GPR82: variants seen among roughly 807,000 people sequenced by gnomAD.
GPR82 encodes the protein probable G protein-coupled receptor 82.
GPR82 carries 6 observed loss-of-function variants against 12.9 expected under a neutral mutation model. The ratio of observed to expected loss-of-function variants is 0.46; its 90% CI spans 0.25 to 0.92. The LOEUF is 0.92. Ranked by LOEUF, GPR82 falls within the 40% of genes least tolerant of loss-of-function variation. The probability of loss-of-function intolerance (pLI) is 0.16; values close to 1 mark genes in which losing one functional copy is unlikely to be tolerated. For missense variants in GPR82, 241 were observed against 245.5 expected (o/e 0.98, Z 0.12); for synonymous variants, 90 against 87.6 (o/e 1.03, Z -0.15).
Position 41,730,056 on chromosome X carries a change from A to C in GPR82, c.*2019A>C, listed in dbSNP as rs984881236. 1 of 120,228 alleles carries C rather than the reference A, an allele frequency of 8.3e-6. No individual in the cohort carries two copies. Among genetic ancestry groups the C allele is most frequent in the Admixed American group, 1.0e-4 (1 of 9,916 alleles). 9.9% of individuals were successfully genotyped at this position (120,228 alleles called of 1,213,427 possible). A position where few individuals can be genotyped will look rare whatever the true frequency, so the allele number is the denominator to read the frequency against. ...AGCTATAAACTTCTTGTCTATTTCTACTTCCATGGTACTGATATTCTCTTC... is the reference window on the plus strand; with the variant it reads ...AGCTATAAACTTCTTGTCTATTTCTCCTTCCATGGTACTGATATTCTCTTC... On this transcript the variant is annotated 3_prime_UTR_variant, in exon 3 of 3. Transcript: ENST00000302548.
At chrX:41,725,080 C>T (rs2068235177) in intron 1 of GPR82, among the ~76,000 whole-genome samples, 1 of 111,672 alleles carries the variant, frequency 9.0e-6, no homozygotes, top group Non-Finnish European at 1.9e-5. Context: ...TATAATTCAT[C>T]AGGTTGCACT....
rs1050219828 is a variant in GPR82 at position 41,729,440 on chromosome X, T to G, written c.*1403T>G. On this transcript the variant is annotated 3_prime_UTR_variant, in exon 3 of 3. Coordinates refer to ENST00000302548, the MANE Select transcript of GPR82 (RefSeq NM_080817.5). ...TACTGATGAAAATATTGAAGTGGGC[T>G]GGGTGCGGTGGCTCATGCCTGTAAT... 1.6e-5 allele frequency: 2 copies of G among 121,588 alleles called. No homozygotes were observed. The highest frequency in any genetic ancestry group is 3.8e-5 in the Non-Finnish European group (2 of 52,909). The allele number at this position is 121,588 out of a possible 1,213,427, so 10.0% of individuals were successfully genotyped here. A position where few individuals can be genotyped will look rare whatever the true frequency, so the allele number is the denominator to read the frequency against.
At position 41,728,216 on chromosome X, in the gene GPR82, C is replaced by T. The variant is rs186512480; in HGVS notation, c.*179C>T. ...AAACTCAAAAAACAGTTATACTGAA[C>T]GTTGAGATGGCAGAAACTTTCAGAA... On this transcript the variant is annotated 3_prime_UTR_variant, in exon 3 of 3. Transcript: ENST00000302548. 12 of 319,626 alleles carry T rather than the reference C, an allele frequency of 3.8e-5. No individual in the cohort carries two copies. The highest frequency in any genetic ancestry group is 1.1e-4 in the African/African-American group (4 of 36,596). 26.3% of individuals were successfully genotyped at this position (319,626 alleles called of 1,213,427 possible). A position where few individuals can be genotyped will look rare whatever the true frequency, so the allele number is the denominator to read the frequency against.
At chrX:41,726,503 C>T (rs1395650260) in intron 1 of GPR82, among the ~76,000 whole-genome samples, 1 of 111,185 alleles carries the variant, frequency 9.0e-6, no homozygotes, top group Non-Finnish European at 1.9e-5. Flanking sequence ...TTTAGCCTAG[C>T]CACAAAAAGA....
At position 41,729,687 on chromosome X, in the gene GPR82, T is replaced by G. The variant is rs1229188699; in HGVS notation, c.*1650T>G. 1.1e-5 allele frequency: 1 copy of G among 87,871 alleles called. No individual in the cohort carries two copies. The highest frequency in any genetic ancestry group is 2.1e-5 in the Non-Finnish European group (1 of 46,998). 7.2% of individuals were successfully genotyped at this position (87,871 alleles called of 1,213,427 possible). ...ATCACTTGAACTCAGGAGGCGGAGG[T>G]TGCAGTGAGCCAAGATCATGCCATT... On this transcript the variant is annotated 3_prime_UTR_variant, in exon 3 of 3. Coordinates refer to ENST00000302548, the MANE Select transcript of GPR82 (RefSeq NM_080817.5).
At chrX:41,724,442 G>A (rs1323538895) in intron 1 of GPR82, among the ~76,000 whole-genome samples, 153 bp downstream of exon 1, 1 of 112,512 alleles carries the variant, frequency 8.9e-6, no homozygotes, top group Non-Finnish European at 1.9e-5. Flanking sequence ...GTTAAGAGTT[G>A]TAGAACTTTT....
rs2068277501 is a variant in GPR82, at chrX:41,727,259, G to A, written c.233G>A (p.Gly78Asp). ...TTCATGAGTATCTATTTCCTGAAAGGTTTCCAATGGGAATATCAATCTGCT... is the reference window on the plus strand; with the variant it reads ...TTCATGAGTATCTATTTCCTGAAAGATTTCCAATGGGAATATCAATCTGCT... ...MPFMSIYFLK[G>D]FQWEYQSAQC... The change falls in exon 3 of 3, where the codon GGT becomes GAT. Residue 78 changes from glycine (G) to aspartate (D), a missense_variant. Physicochemically the swap from Gly to Asp is moderately conservative, Grantham distance 94. Coordinates refer to ENST00000302548, the MANE Select transcript of GPR82 (RefSeq NM_080817.5). The A allele has an allele frequency of 8.3e-7, 1 of 1,206,993 alleles. No homozygotes were observed. The highest frequency in any genetic ancestry group is 1.7e-5 in the African/African-American group (1 of 57,181).
Position 41,727,454 on chromosome X carries a change from T to G in GPR82, c.428T>G (p.Leu143Arg), listed in dbSNP as rs893895494. The change falls in exon 3 of 3, where the codon CTG becomes CGG. Residue 143 changes from leucine (L) to arginine (R), a missense_variant. Leu to Arg is a moderately radical substitution (Grantham distance 102). Transcript: ENST00000302548. ...GAGAAAATATTTTATGGCCATTTAC[T>G]GAAAAAATTTCGCCAGCCCAACTTT... is the stretch of plus-strand genomic sequence containing the variant. ...CYEKIFYGHL[L>R]KKFRQPNFAR... The G allele has an allele frequency of 6.6e-6, 8 of 1,209,934 alleles. No homozygotes were observed. The highest frequency in any genetic ancestry group is 9.0e-6 in the Non-Finnish European group (8 of 893,603).
At position 41,727,551 on chromosome X, in the gene GPR82, A is replaced by G. The variant is rs202133196; in HGVS notation, c.525A>G (p.Ser175=). The G allele has an allele frequency of 1.4e-5, 17 of 1,204,754 alleles. No homozygotes were observed. In the African/African-American group the frequency reaches 2.8e-4, roughly 20 times the overall value. Residue 175 remains serine (S), a synonymous_variant, in exon 3 of 3, where the codon TCA becomes TCG. Transcript: ENST00000302548. ...TCATTCCAGTTACCGTATACTACTC[A>G]GTCATAGAGGCTACAGAAGGAGAAG... is the stretch of plus-strand genomic sequence containing the variant. ...GIIIPVTVYY[S]VIEATEGEES...
In GPR82 at chrX:41,726,819, A is replaced by T. The variant is rs1420093163; in HGVS notation, c.-59A>T. The T allele has an allele frequency of 7.0e-6, 2 of 287,062 alleles. No homozygotes were observed. Among genetic ancestry groups the T allele is most frequent in the African/African-American group, 5.5e-5 (2 of 36,259 alleles). 23.7% of individuals were successfully genotyped at this position (287,062 alleles called of 1,213,427 possible). On this transcript the variant is annotated 5_prime_UTR_variant, in exon 2 of 3. Transcript: ENST00000302548. ...ATAAGTAACTTTTTGTCTTTATTTC[A>T]ACCGGACAATCGTGATTAGAAAAGG...
chrX:41,729,052 T>C lies in GPR82; in HGVS notation c.*1015T>C, dbSNP rs1052644415. On this transcript the variant is annotated 3_prime_UTR_variant, in exon 3 of 3. Transcript: ENST00000302548. Reference sequence around the variant, plus strand: ...TTTCTTCTGTATTCAATATAAATAATGTTATTAGTGACAAACAGTACCTGG... The same window carrying C: ...TTTCTTCTGTATTCAATATAAATAACGTTATTAGTGACAAACAGTACCTGG... The C allele has an allele frequency of 8.1e-6, 1 of 123,525 alleles. No homozygotes were observed. The highest frequency in any genetic ancestry group is 9.4e-5 in the Admixed American group (1 of 10,623). The allele number at this position is 123,525 out of a possible 1,213,427, so 10.2% of individuals were successfully genotyped here.
At position 41,728,073 on chromosome X, in the gene GPR82, C is replaced by G. The variant is rs1430735618; in HGVS notation, c.*36C>G. 2 of 814,667 alleles carry G rather than the reference C, an allele frequency of 2.5e-6. No individual in the cohort carries two copies. The highest frequency in any genetic ancestry group is 4.2e-5 in the African/African-American group (2 of 47,812). 67.1% of individuals were successfully genotyped at this position (814,667 alleles called of 1,213,427 possible). On this transcript the variant is annotated 3_prime_UTR_variant, in exon 3 of 3. Transcript: ENST00000302548. ...GAAAACCCCACAATATTAAGAAAAG[C>G]ATTCATGTGACTTTATTAGGGACAC...
In GPR82 at chrX:41,727,399, G is replaced by C. The variant is rs2068280431; in HGVS notation, c.373G>C (p.Asp125His). The change falls in exon 3 of 3, where the codon GAT (aspartate) becomes CAT (histidine). Residue 125 changes from aspartate (D) to histidine (H), a missense_variant. Physicochemically the swap from Asp to His is moderately conservative, Grantham distance 81. Coordinates refer to ENST00000302548, the MANE Select transcript of GPR82 (RefSeq NM_080817.5). ...CCGCTATGCTACCTTAATGCAAAAG[G>C]ATTCCTCGCAAGAGACTACTTCATG... is the stretch of plus-strand genomic sequence containing the variant. Reference protein sequence around the residue: ...ISRYATLMQKDSSQETTSCYE... With the variant: ...ISRYATLMQKHSSQETTSCYE... The C allele has an allele frequency of 8.3e-7, 1 of 1,209,630 alleles. No individual in the cohort carries two copies. Among genetic ancestry groups the C allele is most frequent in the Admixed American group, 2.2e-5 (1 of 45,750 alleles).
rs1162361118 is a variant in GPR82, at chrX:41,729,749, C to CAAAAA, written c.*1741_*1745dup. The CAAAAA allele has an allele frequency of 1.4e-4, 2 of 14,116 alleles. No homozygotes were observed. Among genetic ancestry groups the CAAAAA allele is most frequent in the African/African-American group, 2.8e-4 (1 of 3,537 alleles). The allele number at this position is 14,116 out of a possible 1,213,427, so 1.2% of individuals were successfully genotyped here. ...TGGGCGACAGAGTGAGACTCTGTCT[C>CAAAAA]AAAAAAAAAAAAAAAAAAAAAAAAA... On this transcript the variant is annotated 3_prime_UTR_variant, in exon 3 of 3. Transcript: ENST00000302548.
chrX:41,727,529 T>G lies in GPR82; in HGVS notation c.503T>G (p.Ile168Ser). ...YIWGVVLGII[I>S]PVTVYYSVIE... ...TGGGGAGTTGTACTGGGCATAATCATTCCAGTTACCGTATACTACTCAGTC... is the reference window on the plus strand; with the variant it reads ...TGGGGAGTTGTACTGGGCATAATCAGTCCAGTTACCGTATACTACTCAGTC... Residue 168 changes from isoleucine (I) to serine (S), a missense_variant, in exon 3 of 3, where the codon ATT becomes AGT. By Grantham distance (142) the Ile-to-Ser change is moderately radical (BLOSUM62 -2). Transcript: ENST00000302548. 1 of 1,209,977 alleles carries G rather than the reference T, an allele frequency of 8.3e-7. No individual in the cohort carries two copies. Among genetic ancestry groups the G allele is most frequent in the Non-Finnish European group, 1.1e-6 (1 of 893,834 alleles).
In GPR82 at chrX:41,728,063, T is replaced by C; in HGVS notation, c.*26T>C. 1.1e-6 allele frequency: 1 copy of C among 901,964 alleles called. No individual in the cohort carries two copies. 74.3% of individuals were successfully genotyped at this position (901,964 alleles called of 1,213,427 possible). ...CTTTTGAATGGAAAACCCCACAATA[T>C]TAAGAAAAGCATTCATGTGACTTTA... On this transcript the variant is annotated 3_prime_UTR_variant, in exon 3 of 3. Transcript: ENST00000302548.
rs755004903 is a variant in GPR82, at chrX:41,727,730, C to T, written c.704C>T (p.Thr235Met). 54 of 1,203,335 alleles carry T rather than the reference C, an allele frequency of 4.5e-5. 1 individual carries two copies. The South Asian group carries it at 5.3e-4, about 12-fold the overall frequency. Residue 235 changes from threonine (T) to methionine (M), a missense_variant, in exon 3 of 3, where the codon ACG (threonine) becomes ATG (methionine). Coordinates refer to ENST00000302548, the MANE Select transcript of GPR82 (RefSeq NM_080817.5). ...CATCTGAGAAAAATAAGAACCTGTACGTCCATTATGGAGAAAGATTTGACT... is the reference window on the plus strand; with the variant it reads ...CATCTGAGAAAAATAAGAACCTGTATGTCCATTATGGAGAAAGATTTGACT... ...VSHLRKIRTCTSIMEKDLTYS... is the reference protein window; with the variant it reads ...VSHLRKIRTCMSIMEKDLTYS...
At position 41,727,161 on chromosome X, in the gene GPR82, TAAAAAAACATCAACGCACATC is replaced by T; in HGVS notation, c.136_156del (p.Lys46_Ile52del). ...AATGGATATTTTTAACAAAAATAGG[TAAAAAAACATCAACGCACATC>T]TACCTGTCACACCTTGTGACTGCAA... On this transcript the variant is annotated inframe_deletion, in exon 3 of 3. Coordinates refer to ENST00000302548, the MANE Select transcript of GPR82 (RefSeq NM_080817.5). 8.3e-7 allele frequency: 1 copy of T among 1,206,504 alleles called. No individual in the cohort carries two copies. Among genetic ancestry groups the T allele is most frequent in the Non-Finnish European group, 1.1e-6 (1 of 891,001 alleles).
rs944575307 is a variant in GPR82, at chrX:41,729,579, G to A, written c.*1542G>A. ...CTAAAAATACAAAAATTAGCTGGGC[G>A]TGGTGGTGTGTGCCTGTAGTCCCAG... is the stretch of plus-strand genomic sequence containing the variant. On this transcript the variant is annotated 3_prime_UTR_variant, in exon 3 of 3. Coordinates refer to ENST00000302548, the MANE Select transcript of GPR82 (RefSeq NM_080817.5). 1 of 110,901 alleles carries A rather than the reference G, an allele frequency of 9.0e-6. No individual in the cohort carries two copies. The highest frequency in any genetic ancestry group is 3.5e-5 in the African/African-American group (1 of 28,529). The allele number at this position is 110,901 out of a possible 1,213,427, so 9.1% of individuals were successfully genotyped here.
Sources: allele counts gnomAD v4.1 joint callset (sites outside exome capture counted in the v4.1 genomes callset), GRCh38; gene constraint gnomAD v4.1.1; transcripts MANE v1.5; gene names NCBI Gene and HGNC (gene_info 2026-07-23, HGNC 2026-07-21).